Variants in PTPN3 observed in about 807,000 individuals in gnomAD.
The protein encoded by PTPN3 is tyrosine-protein phosphatase non-receptor type 3.
Under a neutral mutation model 132.7 loss-of-function variants are expected in PTPN3, and 96 were observed. The observed-to-expected ratio is 0.72, with a 90% CI of 0.61 to 0.86. The LOEUF is 0.86. Ranked by LOEUF, PTPN3 falls within the 40% of genes least tolerant of loss-of-function variation. PTPN3 has a pLI of 0.00. For missense variants in PTPN3, 1,125 were observed against 1,159.6 expected (o/e 0.97, Z 0.43); for synonymous variants, 398 against 429.0 (o/e 0.93, Z 0.89).
chr9:109,420,828 C>T (rs146964499), intron 13 of PTPN3, among the ~76,000 whole-genome samples: 1 of 152,252 alleles, frequency 6.6e-6, no homozygotes, highest in African/African-American at 2.4e-5. Context: ...GTAGCCTCAG[C>T]TGTATAAACA....
chr9:109,393,303 G>GTAA (rs1840285228), intron 19 of PTPN3, among the ~76,000 whole-genome samples: 2 of 150,998 alleles, frequency 1.3e-5, no homozygotes, highest in African/African-American at 2.4e-5. Context: ...TTTTTCATTA[G>GTAA]GCTGTTTTGA....
At chr9:109,487,665 A>G (rs1314017035) in intron 1 of PTPN3, among the ~76,000 whole-genome samples, 2 of 152,266 alleles carry the variant, frequency 1.3e-5, no homozygotes, top group East Asian at 1.9e-4. Flanking sequence ...AAACGAAAAG[A>G]AGAAAAAGAC....
chr9:109,413,278 G>C (rs1842219826), intron 14 of PTPN3, among the ~76,000 whole-genome samples: 1 of 152,120 alleles, frequency 6.6e-6, no homozygotes, highest in African/African-American at 2.4e-5. Flanking sequence ...TTCTAAGCAG[G>C]GTTGGAGGGG....
At chr9:109,420,875 A>T (rs1029803903) in intron 13 of PTPN3, among the ~76,000 whole-genome samples, 8 of 152,184 alleles carry the variant, frequency 5.3e-5, no homozygotes, top group African/African-American at 1.9e-4. Flanking sequence ...TTGGGAAGTG[A>T]CGGGTATTGA....
intron 5 of PTPN3, chr9:109,450,313 T>C (rs1845166578): frequency 1.0e-6 from 1 of 985,434 alleles, no homozygotes; most frequent in Non-Finnish European, 1.2e-6. Context: ...TTTGTTTCTA[T>C]GTTTATCCAA....
chr9:109,438,645 T>C (rs1267128598), intron 7 of PTPN3, among the ~76,000 whole-genome samples: 1 of 152,214 alleles, frequency 6.6e-6, no homozygotes, highest in Non-Finnish European at 1.5e-5. Flanking sequence ...AGGCTTTCTC[T>C]GCCATACCCC....
chr9:109,451,520 G>T, intron 5 of PTPN3: 2 of 569,692 alleles, frequency 3.5e-6, no homozygotes, highest in Non-Finnish European at 4.4e-6. Context: ...ACAATTCTAC[G>T]ACCCTGCACA....
chr9:109,395,487 T>A (rs2131662880), intron 19 of PTPN3, among the ~76,000 whole-genome samples: 1 of 152,168 alleles, frequency 6.6e-6, no homozygotes, highest in East Asian at 1.9e-4. Flanking sequence ...GTTTCCTAAG[T>A]GTTGAGAGTT....
chr9:109,417,830 T>C (rs1317260001), intron 14 of PTPN3: 1 of 963,076 alleles, frequency 1.0e-6, no homozygotes. Flanking sequence ...TGTTATTTGC[T>C]ATTCTTAACA....
the PTPN3 span, among the ~76,000 whole-genome samples, chr9:109,520,507 G>A: frequency 2.0e-5 from 3 of 152,230 alleles, no homozygotes; most frequent in African/African-American, 7.2e-5. Context: ...AACTGCAGGC[G>A]CCTAGCGGAA....
chr9:109,478,890 C>G (rs76925927), intron 1 of PTPN3, among the ~76,000 whole-genome samples: 1 of 152,164 alleles, frequency 6.6e-6, no homozygotes, highest in African/African-American at 2.4e-5. Flanking sequence ...GGTGACCCAG[C>G]GGCAGGGCAG....
chr9:109,467,521 A>G (rs896882246), intron 1 of PTPN3, among the ~76,000 whole-genome samples: 1 of 152,196 alleles, frequency 6.6e-6, no homozygotes, highest in African/African-American at 2.4e-5. Context: ...CTTAGAATAC[A>G]GGCTCTGCGG....
chr9:109,510,568 AAAAAAAAAAT>A, the PTPN3 span, among the ~76,000 whole-genome samples: 5 of 36,138 alleles, frequency 1.4e-4, 1 homozygote, highest in Admixed American at 9.2e-4. Flanking sequence ...TAAAAAAAAA[AAAAAAAAAAT>A]ATATATATAT....
intron 5 of PTPN3, chr9:109,450,385 AGAAAG>A (rs1845171130): frequency 1.0e-6 from 1 of 984,890 alleles, no homozygotes; most frequent in African/African-American, 1.7e-5. Context: ...AGAAAAAAAG[AGAAAG>A]GAGAGTTATA....
intron 23 of PTPN3, among the ~76,000 whole-genome samples, chr9:109,382,871 G>A (rs1176089731): frequency 1.3e-5 from 2 of 151,492 alleles, no homozygotes; most frequent in Non-Finnish European, 2.9e-5. Context: ...AGAGCCATCA[G>A]CACTACCTAT....
intron 2 of PTPN3, among the ~76,000 whole-genome samples, chr9:109,460,101 C>A (rs1845767811): frequency 6.6e-6 from 1 of 152,138 alleles, no homozygotes; most frequent in African/African-American, 2.4e-5. Flanking sequence ...ATGCCCACAG[C>A]AGAACTGATT....
chr9:109,383,680 A>C (rs1588286065), intron 22 of PTPN3, 129 bp from the exon 23 acceptor site: 1 of 1,328,370 alleles, frequency 7.5e-7, no homozygotes, highest in Non-Finnish European at 1.0e-6. Context: ...GAGAAAACAA[A>C]CTCAGCCAAG....
chr9:109,487,348 T>C (rs939947582), intron 1 of PTPN3, among the ~76,000 whole-genome samples: 1 of 152,212 alleles, frequency 6.6e-6, no homozygotes, highest in African/African-American at 2.4e-5. Flanking sequence ...AGGGCCCCCC[T>C]GGCCGCAAAG....
Position 109,428,647 on chromosome 9 carries a change from AC to A in PTPN3, c.801del (p.Lys267AsnfsTer23). 1 of 1,613,914 alleles carries A rather than the reference AC, an allele frequency of 6.2e-7. No individual in the cohort carries two copies. The highest frequency in any genetic ancestry group is 8.5e-7 in the Non-Finnish European group (1 of 1,179,888). On this transcript the variant is annotated frameshift_variant, in exon 11 of 26. Coordinates refer to ENST00000374541, the MANE Select transcript of PTPN3 (RefSeq NM_002829.4). LOFTEE classifies it high-confidence loss of function. ...NILKISFKRK[K>X]FFIHQRQKQA... The stretch of plus-strand genomic sequence containing the variant: ...TGTTTCTGTCGCTGATGTATGAAGA[AC>A]TTTTTCCTTTTGAAAGAAATTTTGA...
Sources: gnomAD v4.1 joint callset for allele counts (sites outside exome capture counted in the v4.1 genomes callset) on GRCh38, gnomAD v4.1.1 for gene constraint, MANE v1.5 for transcripts, NCBI Gene and HGNC (gene_info 2026-07-23, HGNC 2026-07-21) for gene names.